The following NTM variants were observed in gnomAD, a reference collection of about 807,000 sequenced individuals.
NTM encodes the protein neurotrimin.
NTM carries 13 observed loss-of-function variants against 42.1 expected under a neutral mutation model. The ratio of observed to expected loss-of-function variants is 0.31; its 90% confidence interval spans 0.20 to 0.49. The LOEUF (loss-of-function observed/expected upper bound fraction) is 0.49. Among genes scored for constraint, NTM ranks in the 20% least tolerant of loss-of-function variants. NTM has a pLI of 0.99. For missense variants in NTM, 373 were observed against 452.8 expected, an observed-to-expected ratio of 0.82 and a Z score of 1.60; for synonymous variants, 187 against 179.2, an observed-to-expected ratio of 1.04 and a Z score of -0.35.
At chr11:131,860,107 C>T (rs758524392) in intron 1 of NTM, among the ~76,000 whole-genome samples, 2 of 152,116 alleles carry the variant, frequency 1.3e-5, no homozygotes, top group East Asian at 1.9e-4. Context: ...CTACAGCCTC[C>T]GTCAATGTCA....
At chr11:132,277,668 T>C (rs2093782928) in intron 4 of NTM, among the ~76,000 whole-genome samples, 1 of 152,204 alleles carries the variant, frequency 6.6e-6, no homozygotes, top group African/African-American at 2.4e-5. Context: ...ATCAAAAGCA[T>C]TACTTTTAGA....
At chr11:132,184,846 A>T (rs571813094) in intron 3 of NTM, among the ~76,000 whole-genome samples, 1 of 152,226 alleles carries the variant, frequency 6.6e-6, no homozygotes, top group Admixed American at 6.5e-5. Context: ...GTACCATGTC[A>T]TTGTGAACCT....
At chr11:132,295,684 G>C (rs1361131525) in intron 4 of NTM, among the ~76,000 whole-genome samples, 1 of 152,162 alleles carries the variant, frequency 6.6e-6, no homozygotes, top group African/African-American at 2.4e-5. Context: ...AACTTCACTG[G>C]TGTGTCCAGT....
intron 1 of NTM, among the ~76,000 whole-genome samples, chr11:131,792,754 CTT>C (rs1274981167): frequency 1.6e-4 from 24 of 152,292 alleles, no homozygotes; most frequent in African/African-American, 5.5e-4. Context: ...ATTGGTATTG[CTT>C]TCATCTGGCT....
intron 2 of NTM, among the ~76,000 whole-genome samples, chr11:131,923,667 C>T (rs1358462384): frequency 6.6e-6 from 1 of 152,148 alleles, no homozygotes; most frequent in Non-Finnish European, 1.5e-5. Context: ...CTGCTCAAGG[C>T]CTACAAACTT....
In NTM at chr11:131,432,839, CTTTTTTTTTTTTTTTTTT is replaced by C. The variant is rs377739708; in HGVS notation, c.82+61966_82+61983del. Among the ~76,000 whole-genome samples, 5 of 68,706 alleles carry C rather than the reference CTTTTTTTTTTTTTTTTTT, an allele frequency of 7.3e-5. No individual in the cohort carries two copies. In the South Asian group the frequency reaches 1.7e-3, roughly 24 times the overall value. 45.1% of individuals were successfully genotyped at this position (68,706 alleles called of 152,430 possible). On this transcript the variant is annotated intron_variant, in intron 1 of 8. Coordinates refer to ENST00000683400, the MANE Select transcript of NTM (RefSeq NM_001352005.2). ...CTACAAAAGATGAAGATTTAGCATT[CTTTTTTTTTTTTTTTTTT>C]TTTTTTTTTTTTTTGAGACGGAGTC...
chr11:131,970,022 C>A (rs558790184), intron 2 of NTM, among the ~76,000 whole-genome samples: 1 of 152,258 alleles, frequency 6.6e-6, no homozygotes, highest in East Asian at 1.9e-4. Context: ...TGTTGCCATG[C>A]TGGTCTCGAA....
chr11:131,560,555 G>T (rs2056096690), intron 1 of NTM, among the ~76,000 whole-genome samples: 1 of 152,060 alleles, frequency 6.6e-6, no homozygotes, highest in Non-Finnish European at 1.5e-5. Flanking sequence ...GAAGTGATTG[G>T]CTTCCTACAT....
intron 2 of NTM, among the ~76,000 whole-genome samples, chr11:131,923,485 C>T (rs138952772): frequency 1.1e-4 from 17 of 152,072 alleles, no homozygotes; most frequent in South Asian, 2.1e-4. Context: ...CGTGAGCTGG[C>T]GTGTTTGTTT....
chr11:132,308,093 G>A (rs776838255), intron 5 of NTM, among the ~76,000 whole-genome samples: 1 of 152,166 alleles, frequency 6.6e-6, no homozygotes, highest in African/African-American at 2.4e-5. Flanking sequence ...ATCATTAAAT[G>A]GCATTCAGCT....
At chr11:131,873,993 T>G (rs932896407) in intron 1 of NTM, among the ~76,000 whole-genome samples, 1 of 123,662 alleles carries the variant, frequency 8.1e-6, no homozygotes, top group African/African-American at 2.8e-5. Flanking sequence ...ATTATATATA[T>G]TATATTTACA....
chr11:132,317,647 C>T (rs779081036), intron 7 of NTM: 49 of 1,302,070 alleles, frequency 3.8e-5, no homozygotes, highest in South Asian at 8.6e-5. Flanking sequence ...GTCCCTCAAC[C>T]GATTTAGAAC....
At chr11:132,110,257 G>A (rs1047778493) in intron 2 of NTM, among the ~76,000 whole-genome samples, 2 of 152,236 alleles carry the variant, frequency 1.3e-5, no homozygotes, top group Non-Finnish European at 2.9e-5. Flanking sequence ...AGTATTTGCT[G>A]AACAAATGAA....
intron 2 of NTM, among the ~76,000 whole-genome samples, chr11:131,933,634 A>G (rs1183914602): frequency 6.6e-6 from 1 of 151,952 alleles, no homozygotes; most frequent in Non-Finnish European, 1.5e-5. Context: ...AAGTTTTATT[A>G]AGTTAGTGCT....
Position 132,307,684 on chromosome 11 carries a change from C to T in NTM, c.527-5C>T, listed in dbSNP as rs770100298. On this transcript the variant is annotated splice_region_variant and splice_polypyrimidine_tract_variant and intron_variant, in intron 4 of 8. Coordinates refer to ENST00000683400, the MANE Select transcript of NTM (RefSeq NM_001352005.2). ...TTTCACCACACGTTACCGGTTTTCC[C>T]GCAGCGGTTGGCTTTGTGAGTGAAG... is the stretch of plus-strand genomic sequence containing the variant. 3.3e-5 allele frequency: 53 copies of T among 1,613,766 alleles called. No individual in the cohort carries two copies. The highest frequency in any genetic ancestry group is 6.7e-5 in the East Asian group (3 of 44,886).
chr11:131,472,242 C>A (rs1422708016), intron 1 of NTM, among the ~76,000 whole-genome samples: 1 of 152,126 alleles, frequency 6.6e-6, no homozygotes, highest in African/African-American at 2.4e-5. Flanking sequence ...CACTGGGTAT[C>A]CCCCCTGCAT....
intron 1 of NTM, among the ~76,000 whole-genome samples, chr11:131,520,406 G>T (rs1364952800): frequency 6.6e-6 from 1 of 152,092 alleles, no homozygotes; most frequent in African/African-American, 2.4e-5. Context: ...TGGTAGAGGT[G>T]GGTCTTGGAA....
chr11:132,064,229 G>T (rs765966445), intron 2 of NTM, among the ~76,000 whole-genome samples: 1 of 152,130 alleles, frequency 6.6e-6, no homozygotes, highest in Non-Finnish European at 1.5e-5. Flanking sequence ...AAAACAAAAT[G>T]CATAGGATCA....
intron 2 of NTM, among the ~76,000 whole-genome samples, chr11:132,022,106 G>A (rs1241365004): frequency 4.6e-5 from 7 of 152,246 alleles, no homozygotes; most frequent in Non-Finnish European, 7.3e-5. Context: ...AACCAGGGCA[G>A]AGATGCCACT....
Sources: gnomAD v4.1 joint callset for allele counts (sites outside exome capture counted in the v4.1 genomes callset) on GRCh38, gnomAD v4.1.1 for gene constraint, MANE v1.5 for transcripts, NCBI Gene and HGNC (gene_info 2026-07-23, HGNC 2026-07-21) for gene names.